Variants in TENM2 observed in about 807,000 individuals in gnomAD.
The protein encoded by TENM2 is teneurin-2.
A neutral mutation model predicts 245.2 loss-of-function variants in TENM2; 52 were observed. That is an observed-to-expected ratio of 0.21 (90% CI 0.17 to 0.27). The LOEUF (loss-of-function observed/expected upper bound fraction) is 0.27. Among genes scored for constraint, TENM2 ranks in the 10% least tolerant of loss-of-function variants. The pLI is 1.00. For synonymous variants in TENM2, 1,363 were observed against 1,438.9 expected (o/e 0.95, Z 1.19); for missense variants, 3,046 against 3,666.8 (o/e 0.83, Z 4.37).
At chr5:168,181,306 G>A (rs1338406078) in intron 13 of TENM2, among the ~76,000 whole-genome samples, 1 of 152,198 alleles carries the variant, frequency 6.6e-6, no homozygotes, top group Non-Finnish European at 1.5e-5. Flanking sequence ...TAATCCCCTT[G>A]TCAAACATTT....
At chr5:167,915,615 C>T (rs1012004211) in intron 3 of TENM2, among the ~76,000 whole-genome samples, 1 of 152,142 alleles carries the variant, frequency 6.6e-6, no homozygotes, top group Non-Finnish European at 1.5e-5. Flanking sequence ...ATTATCACCT[C>T]ATCCCCATTC....
chr5:167,389,423 G>T (rs1024447309), intron 2 of TENM2, among the ~76,000 whole-genome samples: 1 of 151,844 alleles, frequency 6.6e-6, no homozygotes, highest in African/African-American at 2.4e-5. Context: ...GAGTTGGCAT[G>T]TTTTACATGC....
At chr5:168,147,986 CTG>C (rs2152417981) in intron 12 of TENM2, among the ~76,000 whole-genome samples, 1 of 152,288 alleles carries the variant, frequency 6.6e-6, no homozygotes, top group Admixed American at 6.5e-5. Context: ...AGATGAAACT[CTG>C]AGATGGTTAG....
intron 5 of TENM2, among the ~76,000 whole-genome samples, chr5:167,996,494 C>G (rs952578557): frequency 2.0e-5 from 3 of 152,198 alleles, no homozygotes; most frequent in African/African-American, 7.2e-5. Flanking sequence ...ATGCAAGAGA[C>G]TTTCCTCTCA....
intron 3 of TENM2, among the ~76,000 whole-genome samples, chr5:167,892,017 A>G (rs1023086579): frequency 2.0e-5 from 3 of 152,200 alleles, no homozygotes; most frequent in Admixed American, 6.5e-5. Flanking sequence ...AGCAAACTCT[A>G]TTTATATTTT....
the TENM2 span, among the ~76,000 whole-genome samples, chr5:167,127,537 G>A: frequency 4.6e-4 from 69 of 149,384 alleles, no homozygotes; most frequent in African/African-American, 1.5e-3. Context: ...AATTAACATC[G>A]TGACCCTACA....
intron 13 of TENM2, among the ~76,000 whole-genome samples, chr5:168,188,681 C>A (rs1389088052): frequency 2.0e-5 from 3 of 152,182 alleles, no homozygotes; most frequent in African/African-American, 4.8e-5. Flanking sequence ...ATTAATTCTA[C>A]TATAAGAAAG....
chr5:167,951,817 CAT>C (rs1285098327), intron 3 of TENM2, among the ~76,000 whole-genome samples: 2 of 152,018 alleles, frequency 1.3e-5, no homozygotes, highest in African/African-American at 2.4e-5. Flanking sequence ...CACATATACA[CAT>C]ATATACACAC....
chr5:167,936,554 C>T (rs1426595669), intron 3 of TENM2, among the ~76,000 whole-genome samples: 3 of 152,180 alleles, frequency 2.0e-5, no homozygotes, highest in African/African-American at 7.2e-5. Flanking sequence ...TGAAATGGCT[C>T]CTACCGTTAA....
chr5:168,263,183 AAAAAC>A (rs762787425), downstream of TENM2: 88 of 181,768 alleles, frequency 4.8e-4, 1 homozygote, highest in East Asian at 8.7e-3. Context: ...GAAAACAAAC[AAAAAC>A]AAAACAAAAC....
chr5:167,512,238 T>C (rs1004031276), intron 2 of TENM2, among the ~76,000 whole-genome samples: 2 of 152,182 alleles, frequency 1.3e-5, no homozygotes, highest in Non-Finnish European at 2.9e-5. Context: ...AATTGCATGT[T>C]TTGGTGCTTG....
chr5:168,047,753 C>T (rs977459434), intron 6 of TENM2, among the ~76,000 whole-genome samples: 2 of 152,248 alleles, frequency 1.3e-5, no homozygotes, highest in East Asian at 3.8e-4. Flanking sequence ...CTGGATCACT[C>T]AGAGCTGGCA....
chr5:167,044,211 A>G, the TENM2 span, among the ~76,000 whole-genome samples: 1 of 152,146 alleles, frequency 6.6e-6, no homozygotes, highest in Admixed American at 6.5e-5. Context: ...ACTAAGTAAG[A>G]TGGTGTATTA....
At chr5:167,181,438 T>G in the TENM2 span, among the ~76,000 whole-genome samples, 1 of 120,514 alleles carries the variant, frequency 8.3e-6, no homozygotes, top group South Asian at 2.4e-4. Flanking sequence ...CAGTTCTCTG[T>G]TTTTTTTTTT....
chr5:167,624,640 C>T (rs1371190630), intron 2 of TENM2, among the ~76,000 whole-genome samples: 5 of 152,136 alleles, frequency 3.3e-5, no homozygotes, highest in Admixed American at 2.6e-4. Context: ...TACATCTTAT[C>T]CTCCCAAAGA....
intron 2 of TENM2, among the ~76,000 whole-genome samples, chr5:167,408,300 G>T (rs943055737): frequency 2.0e-5 from 3 of 152,086 alleles, no homozygotes; most frequent in Admixed American, 6.6e-5. Context: ...AATAAATATT[G>T]CTGTCTTTCA....
the TENM2 span, among the ~76,000 whole-genome samples, chr5:166,989,901 A>G: frequency 2.0e-5 from 3 of 151,164 alleles, no homozygotes; most frequent in South Asian, 6.3e-4. Flanking sequence ...GATCTCAAAT[A>G]TGTTGGTCAT....
At chr5:167,395,774 G>C (rs1762015817) in intron 2 of TENM2, among the ~76,000 whole-genome samples, 1 of 152,010 alleles carries the variant, frequency 6.6e-6, no homozygotes, top group South Asian at 2.1e-4. Flanking sequence ...AAAATGATGT[G>C]GTTATACATC....
chr5:166,979,194 C>CCAGCAGCAGCAGCAGCAGCAGCAG, the TENM2 span, among the ~76,000 whole-genome samples: 927 of 142,128 alleles, frequency 6.5e-3, 6 homozygotes, highest in Middle Eastern at 0.022. Flanking sequence ...AGCACCACCA[C>CCAGCAGCAGCAGCAGCAGCAGCAG]CAGCAGCAGC....
Sources: gnomAD v4.1 joint callset for allele counts (sites outside exome capture counted in the v4.1 genomes callset) on GRCh38, gnomAD v4.1.1 for gene constraint, MANE v1.5 for transcripts, NCBI Gene and HGNC (gene_info 2026-07-23, HGNC 2026-07-21) for gene names.